The following ELK4 variants were observed in gnomAD, a reference collection of about 807,000 sequenced individuals.
ELK4 encodes ETS domain-containing protein Elk-4.
In ELK4, 16 loss-of-function variants were observed where a neutral mutation model predicts 29.6. That is an observed-to-expected ratio of 0.54 (90% confidence interval 0.37 to 0.82). The LOEUF (loss-of-function observed/expected upper bound fraction) is 0.82. Among genes scored for constraint, ELK4 ranks in the 40% least tolerant of loss-of-function variants. The probability of loss-of-function intolerance (pLI) is 0.00; values close to 1 mark genes in which losing one functional copy is unlikely to be tolerated. For missense variants in ELK4, 465 were observed against 507.1 expected, an observed-to-expected ratio of 0.92 and a Z score of 0.80; for synonymous variants, 213 against 191.1, an observed-to-expected ratio of 1.11 and a Z score of -0.95.
chr1:205,610,036 G>C lies in ELK4; in HGVS notation c.*6510C>G. 1 of 231,448 alleles carries C rather than the reference G, an allele frequency of 4.3e-6. No individual in the cohort carries two copies. Among genetic ancestry groups the C allele is most frequent in the East Asian group, 6.1e-5 (1 of 16,342 alleles). 14.3% of individuals were successfully genotyped at this position (231,448 alleles called of 1,614,324 possible). A position where few individuals can be genotyped will look rare whatever the true frequency, so the allele number is the denominator to read the frequency against. ...GCTTCCAGTTATTAAAAATGAAACA[G>C]TGCTAATATTGGTGCCCAAGAAAGT... On this transcript the variant is annotated 3_prime_UTR_variant, in exon 5 of 5. Transcript: ENST00000357992.
chr1:205,623,676 C>G lies in ELK4; in HGVS notation c.207G>C (p.Lys69Asn). ...AGTATAAGATCAGGATGTGTACTAC[C>G]TTTACATAATAGTATCTGAGGGCTC... ...LSRALRYYYV[K>N]NIIKKVNGQK... The change falls in exon 2 of 5, where the codon AAG becomes AAC. Residue 69 changes from lysine to asparagine, a missense_variant and splice_region_variant. Coordinates refer to ENST00000357992, the MANE Select transcript of ELK4 (RefSeq NM_001973.4). 1.9e-6 allele frequency: 3 copies of G among 1,613,940 alleles called. No homozygotes were observed. Among genetic ancestry groups the G allele is most frequent in the Non-Finnish European group, 2.5e-6 (3 of 1,179,962 alleles).
At chr1:205,631,601 C>T (rs1430669785) in intron 1 of ELK4, 31 bp downstream of exon 1, 1 of 211,840 alleles carries the variant, frequency 4.7e-6, no homozygotes, top group Non-Finnish European at 9.5e-6. Context: ...GCCGCGAGAT[C>T]CCGAGGGGGC....
intron 3 of ELK4, chr1:205,619,699 T>C: frequency 7.0e-7 from 1 of 1,432,134 alleles, no homozygotes; most frequent in East Asian, 2.5e-5. Flanking sequence ...AGAGAGTGTG[T>C]GTACTTTCTT....
intron 4 of ELK4, among the ~76,000 whole-genome samples, chr1:205,617,926 A>G (rs1251062178): frequency 3.9e-5 from 6 of 151,988 alleles, no homozygotes; most frequent in Non-Finnish European, 5.9e-5. Flanking sequence ...TTTAATCTTT[A>G]ATTAAAAGAG....
At chr1:205,619,777 C>A (rs1670297886) in intron 3 of ELK4, 189 bp downstream of exon 3, 4 of 1,511,802 alleles carry the variant, frequency 2.6e-6, no homozygotes, top group Non-Finnish European at 2.6e-6. Context: ...AGAAAATACT[C>A]CAAACTTTCT....
At position 205,620,715 on chromosome 1, in the gene ELK4, T is replaced by C; in HGVS notation, c.331A>G (p.Ser111Gly). The C allele has an allele frequency of 1.9e-6, 3 of 1,614,172 alleles. No individual in the cohort carries two copies. The highest frequency in any genetic ancestry group is 2.5e-6 in the Non-Finnish European group (3 of 1,180,034). ...TCTTTGGAACTGCTGCTGACTTCAC[T>C]GAAGTTTAAACTTTCACAGTCACCC... ...IEGDCESLNFSEVSSSSKDVE... is the reference protein window; with the variant it reads ...IEGDCESLNFGEVSSSSKDVE... The change falls in exon 3 of 5, where the codon AGT becomes GGT. Residue 111 changes from serine to glycine, a missense_variant. Transcript: ENST00000357992.
chr1:205,613,093 G>T lies in ELK4; in HGVS notation c.*3453C>A. On this transcript the variant is annotated 3_prime_UTR_variant, in exon 5 of 5. Coordinates refer to ENST00000357992, the MANE Select transcript of ELK4 (RefSeq NM_001973.4). ...ACATTTAAAAAAAAAAAAATCAATG[G>T]AAATTTCCACCTTTGTTCGAACACA... is the stretch of plus-strand genomic sequence containing the variant. 5.1e-6 allele frequency: 1 copy of T among 196,664 alleles called. No individual in the cohort carries two copies. The highest frequency in any genetic ancestry group is 1.0e-5 in the Non-Finnish European group (1 of 96,638). 12.2% of individuals were successfully genotyped at this position (196,664 alleles called of 1,614,324 possible).
At chr1:205,624,657 G>A (rs1670417733) in intron 1 of ELK4, among the ~76,000 whole-genome samples, 1 of 152,130 alleles carries the variant, frequency 6.6e-6, no homozygotes, top group South Asian at 2.1e-4. Flanking sequence ...TTAGGCCAGA[G>A]TTTCTCAATT....
Position 205,618,829 on chromosome 1 carries a change from A to G in ELK4, c.1197+128T>C. On this transcript the variant is annotated intron_variant, in intron 4 of 4. Coordinates refer to ENST00000357992, the MANE Select transcript of ELK4 (RefSeq NM_001973.4). ...CATGGTGAGGACTCCATCTCAAAAA[A>G]ATAAAAAAAGAATATTCATTAAATA... 3 of 694,134 alleles carry G rather than the reference A, an allele frequency of 4.3e-6. No homozygotes were observed. The South Asian group carries it at 5.6e-5, about 13-fold the overall frequency. The allele number at this position is 694,134 out of a possible 1,614,324, so 43.0% of individuals were successfully genotyped here. A position where few individuals can be genotyped will look rare whatever the true frequency, so the allele number is the denominator to read the frequency against.
chr1:205,613,971 CT>C lies in ELK4; in HGVS notation c.*2574del. ...TATTCAACAGAATATGAAGCTGAGA[CT>C]TTTCCAGGAAGGAGGTAGTCTATAA... On this transcript the variant is annotated 3_prime_UTR_variant, in exon 5 of 5. Coordinates refer to ENST00000357992, the MANE Select transcript of ELK4 (RefSeq NM_001973.4). 1 of 222,842 alleles carries C rather than the reference CT, an allele frequency of 4.5e-6. No homozygotes were observed. Among genetic ancestry groups the C allele is most frequent in the Non-Finnish European group, 9.0e-6 (1 of 111,482 alleles). 13.8% of individuals were successfully genotyped at this position (222,842 alleles called of 1,614,324 possible).
intron 1 of ELK4, among the ~76,000 whole-genome samples, chr1:205,630,474 T>A: frequency 6.6e-6 from 1 of 152,160 alleles, no homozygotes; most frequent in East Asian, 1.9e-4. Flanking sequence ...AAACACAAAG[T>A]CTCCAAATTT....
In ELK4 at chr1:205,625,697, G is replaced by A. The variant is rs1204486428; in HGVS notation, c.-9-1806C>T. 1.4e-5 allele frequency: 10 copies of A among 733,528 alleles called. No individual in the cohort carries two copies. In the East Asian group the frequency reaches 2.6e-4, roughly 19 times the overall value. 45.4% of individuals were successfully genotyped at this position (733,528 alleles called of 1,614,324 possible). The stretch of plus-strand genomic sequence containing the variant: ...GCTGCTTCTTTTTTTTTTTTTTTGT[G>A]AGATGGAGTCCCACTCTGTCACCCA... On this transcript the variant is annotated intron_variant, in intron 1 of 4. Coordinates refer to ENST00000357992, the MANE Select transcript of ELK4 (RefSeq NM_001973.4).
At position 205,610,169 on chromosome 1, in the gene ELK4, C is replaced by A. The variant is rs1447640917; in HGVS notation, c.*6377G>T. ...GGCCAGCCACAGGAAACCCCCACCT[C>A]CTCCCCGACCCCATCCAGAAGATCC... is the stretch of plus-strand genomic sequence containing the variant. On this transcript the variant is annotated 3_prime_UTR_variant, in exon 5 of 5. Transcript: ENST00000357992. The A allele has an allele frequency of 4.3e-6, 1 of 231,990 alleles. No homozygotes were observed. The highest frequency in any genetic ancestry group is 5.6e-5 in the Admixed American group (1 of 17,734). 14.4% of individuals were successfully genotyped at this position (231,990 alleles called of 1,614,324 possible).
At chr1:205,619,889 G>A (rs781088445) in intron 3 of ELK4, 77 bp downstream of exon 3, 33 of 1,613,356 alleles carry the variant, frequency 2.0e-5, no homozygotes, top group Non-Finnish European at 2.5e-5. Context: ...GCAAACTTGA[G>A]TGTATAAATT....
chr1:205,621,604 CT>C (rs1670351675), intron 2 of ELK4, among the ~76,000 whole-genome samples: 1 of 152,094 alleles, frequency 6.6e-6, no homozygotes, highest in Admixed American at 6.5e-5. Flanking sequence ...ACTGCAACCT[CT>C]GCCTCCTGGG....
chr1:205,622,139 G>A (rs770812623), intron 2 of ELK4, among the ~76,000 whole-genome samples: 2 of 151,992 alleles, frequency 1.3e-5, no homozygotes, highest in Non-Finnish European at 2.9e-5. Flanking sequence ...ACTTGAACCT[G>A]GGAGGCAGAA....
chr1:205,625,678 TC>T, intron 1 of ELK4: 9 of 809,492 alleles, frequency 1.1e-5, no homozygotes, highest in South Asian at 2.8e-5. Context: ...TGCTGCTGCT[TC>T]TTTTTTTTTT....
In ELK4 at chr1:205,620,256, G is replaced by A; in HGVS notation, c.790C>T (p.Pro264Ser). Residue 264 changes from proline to serine, a missense_variant, in exon 3 of 5, where the codon CCT becomes TCT. Physicochemically the swap from Pro to Ser is moderately conservative, Grantham distance 74 (BLOSUM62 -1). Coordinates refer to ENST00000357992, the MANE Select transcript of ELK4 (RefSeq NM_001973.4). Reference sequence around the variant, plus strand: ...AGTGGTGGTGAAGGTGTTCTGGGAGGTTCCTGCAAAGGGGGTATGGACGAA... The same window carrying A: ...AGTGGTGGTGAAGGTGTTCTGGGAGATTCCTGCAAAGGGGGTATGGACGAA... Reference protein sequence around the residue: ...PISSIPPLQEPPRTPSPPLSS... With the variant: ...PISSIPPLQESPRTPSPPLSS... 1 of 1,614,194 alleles carries A rather than the reference G, an allele frequency of 6.2e-7. No individual in the cohort carries two copies. The highest frequency in any genetic ancestry group is 1.1e-5 in the South Asian group (1 of 91,082).
chr1:205,616,501 T>C lies in ELK4; in HGVS notation c.*45A>G, dbSNP rs991769577. 2 of 1,528,092 alleles carry C rather than the reference T, an allele frequency of 1.3e-6. No homozygotes were observed. The highest frequency in any genetic ancestry group is 1.7e-5 in the Admixed American group (1 of 59,578). The allele number at this position is 1,528,092 out of a possible 1,614,324, so 94.7% of individuals were successfully genotyped here. A position where few individuals can be genotyped will look rare whatever the true frequency, so the allele number is the denominator to read the frequency against. On this transcript the variant is annotated 3_prime_UTR_variant, in exon 5 of 5. Coordinates refer to ENST00000357992, the MANE Select transcript of ELK4 (RefSeq NM_001973.4). Reference sequence around the variant, plus strand: ...ACTTCAAATGCAATCATGTTGAATGTCTGTTTCTTCGTTCCTCGGTTCTCT... The same window carrying C: ...ACTTCAAATGCAATCATGTTGAATGCCTGTTTCTTCGTTCCTCGGTTCTCT...
Sources: gnomAD v4.1 joint callset for allele counts (sites outside exome capture counted in the v4.1 genomes callset) on GRCh38, gnomAD v4.1.1 for gene constraint, MANE v1.5 for transcripts, NCBI Gene and HGNC (gene_info 2026-07-23, HGNC 2026-07-21) for gene names.